Variants in CPLX2 observed in about 807,000 individuals in gnomAD.
CPLX2 encodes the protein complexin 2.
Under a neutral mutation model 16.3 loss-of-function variants are expected in CPLX2, and 5 were observed. That is an observed-to-expected ratio of 0.31 (90% CI 0.16 to 0.64). The LOEUF (loss-of-function observed/expected upper bound fraction) is 0.64, where lower values mean the gene tolerates loss of function less well. Among genes scored for constraint, CPLX2 ranks in the 30% least tolerant of loss-of-function variants. CPLX2 has a pLI of 0.79. For synonymous variants in CPLX2, 89 were observed against 73.2 expected, an observed-to-expected ratio of 1.22 and a Z score of -1.10; for missense variants, 144 against 181.4, an observed-to-expected ratio of 0.79 and a Z score of 1.18.
intron 2 of CPLX2, among the ~76,000 whole-genome samples, chr5:175,818,339 T>C (rs1177691339): frequency 2.6e-5 from 4 of 151,974 alleles, no homozygotes; most frequent in Non-Finnish European, 5.9e-5. Context: ...CAGGGAGTGG[T>C]GACAGGTGGG....
rs1324950964 is a variant in CPLX2, at chr5:175,879,049, A to G, written c.173A>G (p.Glu58Gly). The change falls in exon 3 of 4, where the codon GAG becomes GGG. Residue 58 changes from glutamate (E) to glycine (G), a missense_variant. Transcript: ENST00000393745. ...GCCAAGCACGCGCGCATGGAGGCGG[A>G]GCGGGAGAAGGTCCGGCAGCAGATC... is the stretch of plus-strand genomic sequence containing the variant. ...RKAKHARMEA[E>G]REKVRQQIRD... is the part of the protein sequence containing the mutation. 6.3e-6 allele frequency: 10 copies of G among 1,585,370 alleles called. No individual in the cohort carries two copies. Among genetic ancestry groups the G allele is most frequent in the Non-Finnish European group, 6.9e-6 (8 of 1,166,360 alleles).
At chr5:175,802,819 C>T (rs1756275373) in intron 1 of CPLX2, among the ~76,000 whole-genome samples, 1 of 151,932 alleles carries the variant, frequency 6.6e-6, no homozygotes, top group South Asian at 2.1e-4. Flanking sequence ...TCCTTCCTTC[C>T]TTTCTTTTTT....
chr5:175,866,432 G>A (rs1256686803), intron 2 of CPLX2, among the ~76,000 whole-genome samples: 1 of 152,210 alleles, frequency 6.6e-6, no homozygotes, highest in Non-Finnish European at 1.5e-5. Context: ...ATAGGATGGG[G>A]GCAAGGAGAC....
intron 2 of CPLX2, among the ~76,000 whole-genome samples, chr5:175,840,909 G>A (rs1174229787): frequency 6.6e-6 from 1 of 152,164 alleles, no homozygotes; most frequent in East Asian, 1.9e-4. Context: ...TGGGCACACA[G>A]GTGTCCTCTG....
At chr5:175,879,758 C>A in intron 3 of CPLX2, 90 bp from the exon 4 acceptor site, 3 of 1,273,340 alleles carry the variant, frequency 2.4e-6, no homozygotes, top group Non-Finnish European at 3.4e-6. Context: ...GCACTCCTGG[C>A]CACCTCAGCC....
At chr5:175,879,807 C>G in intron 3 of CPLX2, 41 bp from the exon 4 acceptor site, 1 of 1,571,352 alleles carries the variant, frequency 6.4e-7, no homozygotes, top group East Asian at 2.3e-5. Flanking sequence ...GTCTCCTTGC[C>G]CACCCCGCTT....
chr5:175,810,336 C>A (rs924191960), intron 2 of CPLX2, among the ~76,000 whole-genome samples: 1 of 152,184 alleles, frequency 6.6e-6, no homozygotes, highest in Non-Finnish European at 1.5e-5. Context: ...AAAGCCCAGA[C>A]CTTCTGGCTG....
upstream of CPLX2, chr5:175,871,433 C>CAGAGAGATAGAGAGAGAG (rs1759598634): frequency 3.6e-5 from 1 of 27,516 alleles, no homozygotes; most frequent in Non-Finnish European, 6.3e-5. Context: ...GAGAGAGAGA[C>CAGAGAGATAGAGAGAGAG]AGAGAGAGAG....
chr5:175,810,310 G>A (rs1167000535), intron 2 of CPLX2, among the ~76,000 whole-genome samples: 2 of 152,152 alleles, frequency 1.3e-5, no homozygotes, highest in Admixed American at 1.3e-4. Flanking sequence ...AGAGAGTCGG[G>A]GACAGAGCTG....
intron 1 of CPLX2, among the ~76,000 whole-genome samples, chr5:175,874,034 G>A (rs1256697167): frequency 2.6e-5 from 4 of 152,194 alleles, no homozygotes; most frequent in South Asian, 2.1e-4. Context: ...CAAGGAAGAC[G>A]GGTGCTAGAC....
At chr5:175,797,019 G>C (rs945573943) in intron 1 of CPLX2, among the ~76,000 whole-genome samples, 2 of 152,208 alleles carry the variant, frequency 1.3e-5, no homozygotes, top group South Asian at 4.1e-4. Flanking sequence ...GCGCCGCACC[G>C]GGTCCCTATC....
Position 175,809,340 on chromosome 5 carries a change from T to C in CPLX2, c.-89+272T>C, listed in dbSNP as rs1758271861. 6.6e-6 allele frequency: 1 copy of C among 152,178 alleles called. No homozygotes were observed. Among genetic ancestry groups the C allele is most frequent in the African/African-American group, 2.4e-5 (1 of 41,428 alleles). The allele number at this position is 152,178 out of a possible 1,614,324, so 9.4% of individuals were successfully genotyped here. On this transcript the variant is annotated intron_variant, in intron 2 of 4. Transcript: ENST00000359546. This position sits in a 1 kb window ranked among gnomAD's most constrained non-coding sequence, Gnocchi z 4.4. ...GGATATTATTATCCCCAGTTACAGA[T>C]GAGAAAACTGAAGCTCAGAGAGTGA...
intron 2 of CPLX2, among the ~76,000 whole-genome samples, chr5:175,860,027 G>A (rs555674415): frequency 1.9e-4 from 29 of 152,324 alleles, no homozygotes; most frequent in Non-Finnish European, 3.1e-4. Flanking sequence ...GAGCAGAGCC[G>A]GGACCTGGGC....
intron 2 of CPLX2, among the ~76,000 whole-genome samples, chr5:175,848,800 A>G (rs1376484482): frequency 6.6e-6 from 1 of 152,180 alleles, no homozygotes; most frequent in Non-Finnish European, 1.5e-5. Context: ...GAATACCAAG[A>G]AGGAGCCTGC....
rs1346839898 is a variant in CPLX2 at position 175,883,640 on chromosome 5, A to T, written c.*3595A>T. On this transcript the variant is annotated 3_prime_UTR_variant, in exon 4 of 4. Transcript: ENST00000393745. ...CTGACCGCACAGGGAGGCTGGGGCC[A>T]GCCTGGTCTCCCAGGCCTGAGGACA... The T allele has an allele frequency of 6.6e-6, 1 of 152,348 alleles. No individual in the cohort carries two copies. The highest frequency in any genetic ancestry group is 1.5e-5 in the Non-Finnish European group (1 of 68,128). The allele number at this position is 152,348 out of a possible 1,614,324, so 9.4% of individuals were successfully genotyped here.
intron 1 of CPLX2, among the ~76,000 whole-genome samples, chr5:175,804,146 A>G (rs1758153361): frequency 6.6e-6 from 1 of 152,248 alleles, no homozygotes; most frequent in Admixed American, 6.5e-5. Flanking sequence ...TCAAGACAGG[A>G]TACAAAAGAG....
At chr5:175,820,924 C>T (rs968540816) in intron 2 of CPLX2, among the ~76,000 whole-genome samples, 10 of 152,174 alleles carry the variant, frequency 6.6e-5, no homozygotes, top group South Asian at 2.1e-4. Flanking sequence ...GGCAGTCGGC[C>T]GCTCGGTCCC....
intron 1 of CPLX2, among the ~76,000 whole-genome samples, chr5:175,803,386 T>G (rs933922169): frequency 2.6e-5 from 4 of 152,136 alleles, no homozygotes; most frequent in South Asian, 2.1e-4. Context: ...CCAAGTCATA[T>G]AAATACTAGG....
At chr5:175,823,408 G>A (rs1478435256) in intron 2 of CPLX2, among the ~76,000 whole-genome samples, 1 of 152,208 alleles carries the variant, frequency 6.6e-6, no homozygotes, top group Non-Finnish European at 1.5e-5. Flanking sequence ...GCGTATGAAC[G>A]ATGGACGATT....
Sources: gnomAD v4.1 joint callset for allele counts (sites outside exome capture counted in the v4.1 genomes callset) on GRCh38, gnomAD v4.1.1 for gene constraint, Gnocchi (gnomAD v3.1) non-coding constraint, MANE v1.5 for transcripts, NCBI Gene and HGNC (gene_info 2026-07-23, HGNC 2026-07-21) for gene names.